IL23R: variants seen among roughly 807,000 people sequenced by gnomAD.
The protein encoded by IL23R is interleukin 23 receptor.
IL23R carries 34 observed loss-of-function variants against 56.9 expected under a neutral mutation model. That is an observed-to-expected ratio of 0.60 (90% confidence interval 0.45 to 0.80). The LOEUF is 0.80. IL23R is among the 30% of genes least tolerant of loss of function. The pLI is 0.00. For missense variants in IL23R, 635 were observed against 730.0 expected, an observed-to-expected ratio of 0.87 and a Z score of 1.50; for synonymous variants, 230 against 249.2, an observed-to-expected ratio of 0.92 and a Z score of 0.73.
At chr1:67,141,662 G>T (rs1646639033) in intron 1 of IL23R, among the ~76,000 whole-genome samples, 1 of 152,140 alleles carries the variant, frequency 6.6e-6, no homozygotes, top group Non-Finnish European at 1.5e-5. Context: ...GGAGGCTGAG[G>T]TAGAAGGATC....
At chr1:67,228,197 T>TCCTTCCTC (rs1429336962) in intron 7 of IL23R, among the ~76,000 whole-genome samples, 7 of 138,402 alleles carry the variant, frequency 5.1e-5, no homozygotes, top group African/African-American at 1.9e-4. Context: ...CTTCCTTCCT[T>TCCTTCCTC]CCTCCCTTCT....
At chr1:67,190,055 C>G (rs1340380689) in intron 4 of IL23R, among the ~76,000 whole-genome samples, 4 of 152,146 alleles carry the variant, frequency 2.6e-5, no homozygotes, top group Non-Finnish European at 4.4e-5. Context: ...TTTAAAGGAG[C>G]TCTTCTAAAC....
intron 7 of IL23R, among the ~76,000 whole-genome samples, chr1:67,230,842 C>T (rs1651053085): frequency 6.6e-6 from 1 of 152,194 alleles, no homozygotes; most frequent in African/African-American, 2.4e-5. Flanking sequence ...AATTGACATA[C>T]TCAACTCTTT....
chr1:67,212,008 C>A (rs1243913423), intron 6 of IL23R, among the ~76,000 whole-genome samples: 2 of 152,256 alleles, frequency 1.3e-5, no homozygotes, highest in Non-Finnish European at 2.9e-5. Context: ...TGAACTTATA[C>A]CGTCAGTAAC....
intron 4 of IL23R, among the ~76,000 whole-genome samples, chr1:67,189,900 A>T (rs1183748712): frequency 2.6e-5 from 4 of 152,144 alleles, no homozygotes; most frequent in Non-Finnish European, 5.9e-5. Flanking sequence ...GAGCCACTGT[A>T]CTCCAGCCTG....
intron 1 of IL23R, among the ~76,000 whole-genome samples, chr1:67,150,985 G>A (rs1646723826): frequency 6.6e-6 from 1 of 152,126 alleles, no homozygotes; most frequent in Non-Finnish European, 1.5e-5. Flanking sequence ...ATGAGATGCT[G>A]GGTCAAATGG....
intron 1 of IL23R, among the ~76,000 whole-genome samples, chr1:67,167,660 G>T (rs1245387133): frequency 6.6e-6 from 1 of 152,048 alleles, no homozygotes; most frequent in Non-Finnish European, 1.5e-5. Flanking sequence ...GGAGTTTGAG[G>T]TTACAGTGAG....
At chr1:67,236,669 A>C (rs1447078782) in intron 7 of IL23R, 44 bp from the exon 8 acceptor site, 1 of 1,286,666 alleles carries the variant, frequency 7.8e-7, no homozygotes, top group South Asian at 1.2e-5. Context: ...TGGCAAGCAG[A>C]GTGCAAAATG....
rs1646875559 is a variant in IL23R at position 67,166,554 on chromosome 1, C to T, written c.-30+13C>T. The T allele has an allele frequency of 6.6e-6, 1 of 152,312 alleles. No homozygotes were observed. Among genetic ancestry groups the T allele is most frequent in the Non-Finnish European group, 1.5e-5 (1 of 68,036 alleles). The allele number at this position is 152,312 out of a possible 1,614,324, so 9.4% of individuals were successfully genotyped here. A position where few individuals can be genotyped will look rare whatever the true frequency, so the allele number is the denominator to read the frequency against. On this transcript the variant is annotated intron_variant, in intron 1 of 10. Transcript: ENST00000347310. The stretch of plus-strand genomic sequence containing the variant: ...AACAGGTTGAAAGGTAAATAGGCAG[C>T]GATCATCCAAATACTTAAAGACAGC...
At position 67,168,039 on chromosome 1, in the gene IL23R, T is replaced by A. The variant is rs1646894538; in HGVS notation, c.-29-53T>A. On this transcript the variant is annotated intron_variant, in intron 1 of 10. Transcript: ENST00000347310. ...TCTTAGGGAAAAATGTTATGCTTTT[T>A]ATTATTTTACTAAAATACTACAATT... 14 of 1,006,976 alleles carry A rather than the reference T, an allele frequency of 1.4e-5. No individual in the cohort carries two copies. The South Asian group carries it at 1.5e-4, about 11-fold the overall frequency. The allele number at this position is 1,006,976 out of a possible 1,614,324, so 62.4% of individuals were successfully genotyped here. A position where few individuals can be genotyped will look rare whatever the true frequency, so the allele number is the denominator to read the frequency against.
intron 1 of IL23R, among the ~76,000 whole-genome samples, chr1:67,147,818 A>G (rs1262139352): frequency 6.6e-6 from 1 of 152,208 alleles, no homozygotes; most frequent in Non-Finnish European, 1.5e-5. Flanking sequence ...TATCCAATGT[A>G]ATAATACTAC....
chr1:67,153,038 T>C (rs892812867), intron 1 of IL23R, among the ~76,000 whole-genome samples: 2 of 152,248 alleles, frequency 1.3e-5, no homozygotes, highest in Non-Finnish European at 2.9e-5. Context: ...AGCTCCTCTT[T>C]GTACTGCTGA....
At chr1:67,147,458 G>C (rs1646689345) in intron 1 of IL23R, among the ~76,000 whole-genome samples, 2 of 152,194 alleles carry the variant, frequency 1.3e-5, no homozygotes, top group Non-Finnish European at 2.9e-5. Context: ...CAGCACTTTG[G>C]GAGGCCGAGG....
At chr1:67,261,506 T>C (rs1653204908), downstream of IL23R, among the ~76,000 whole-genome samples, 1 of 151,832 alleles carries the variant, frequency 6.6e-6, no homozygotes, top group South Asian at 2.1e-4. Flanking sequence ...CTAAAATATG[T>C]ATATATTTTT....
intron 5 of IL23R, among the ~76,000 whole-genome samples, chr1:67,201,682 T>C (rs1648653262): frequency 6.6e-6 from 1 of 152,158 alleles, no homozygotes; most frequent in Non-Finnish European, 1.5e-5. Flanking sequence ...TTTTTTTGTT[T>C]GTTTGTTTTT....
At chr1:67,181,439 T>C (rs1393948509) in intron 3 of IL23R, among the ~76,000 whole-genome samples, 1 of 152,246 alleles carries the variant, frequency 6.6e-6, no homozygotes, top group Non-Finnish European at 1.5e-5. Context: ...TGCTGAGGCT[T>C]GTGCATTCAT....
At chr1:67,241,112 T>C (rs981900772) in intron 9 of IL23R, among the ~76,000 whole-genome samples, 21 of 152,240 alleles carry the variant, frequency 1.4e-4, no homozygotes, top group African/African-American at 5.1e-4. Context: ...TCAGATCATA[T>C]TTAGTTTGCT....
At chr1:67,250,146 G>C (rs181539864) in intron 9 of IL23R, among the ~76,000 whole-genome samples, 2 of 152,204 alleles carry the variant, frequency 1.3e-5, no homozygotes, top group East Asian at 3.9e-4. Flanking sequence ...ACGCATTTTA[G>C]TTTCCTGACA....
chr1:67,186,121 T>C (rs1647309157), intron 4 of IL23R, among the ~76,000 whole-genome samples: 1 of 152,132 alleles, frequency 6.6e-6, no homozygotes, highest in Admixed American at 6.5e-5. Flanking sequence ...GCAAGACAAC[T>C]AGAGTCTCAT....
Sources: allele counts gnomAD v4.1 joint callset (sites outside exome capture counted in the v4.1 genomes callset), GRCh38; gene constraint gnomAD v4.1.1; transcripts MANE v1.5; gene names NCBI Gene and HGNC (gene_info 2026-07-23, HGNC 2026-07-21).